Variants in MGAM2 observed in about 807,000 individuals in gnomAD.
MGAM2 encodes probable maltase-glucoamylase 2.
A neutral mutation model predicts 96.1 loss-of-function variants in MGAM2; 98 were observed. That is an observed-to-expected ratio of 1.02 (90% CI 0.87 to 1.21). The LOEUF (loss-of-function observed/expected upper bound fraction) is 1.21, where lower values mean the gene tolerates loss of function less well. Ranked by LOEUF, MGAM2 falls within the 50% of genes most tolerant of loss-of-function variation. The pLI is 0.00. For missense variants in MGAM2, 2,055 were observed against 1,182.4 expected (o/e 1.74, Z -10.82); for synonymous variants, 749 against 414.8 (o/e 1.81, Z -9.79).
At chr7:142,127,120 G>A (rs570472263) in intron 3 of MGAM2, among the ~76,000 whole-genome samples, 1 of 152,276 alleles carries the variant, frequency 6.6e-6, no homozygotes, top group African/African-American at 2.4e-5. Context: ...GATGAATGTA[G>A]TTACTTGCTT....
intron 14 of MGAM2, 120 bp from the exon 15 acceptor site, chr7:142,147,336 G>A (rs1457267903): frequency 1.2e-5 from 7 of 565,514 alleles, no homozygotes; most frequent in Non-Finnish European, 1.9e-5. Context: ...ATCTGGAATG[G>A]ATTTGGTCAG....
At chr7:142,118,676 A>AT (rs973744117) in intron 2 of MGAM2, among the ~76,000 whole-genome samples, 1 of 152,202 alleles carries the variant, frequency 6.6e-6, no homozygotes, top group Non-Finnish European at 1.5e-5. Context: ...TCTTCCTGAT[A>AT]TGTAGCCTGA....
chr7:142,171,343 A>G lies in MGAM2; in HGVS notation c.3254A>G (p.Gln1085Arg), dbSNP rs186391552. The change falls in exon 28 of 48, where the codon CAG becomes CGG. Residue 1085 changes from glutamine (Q) to arginine (R), a missense_variant. By Grantham distance (43) the Gln-to-Arg change is conservative. Transcript: ENST00000477922. Reference sequence around the variant, plus strand: ...TCCATTTCTACGCGTCTGCCGTCCCAGTACATCTATGGCTTTGGGGAAACT... The same window carrying G: ...TCCATTTCTACGCGTCTGCCGTCCCGGTACATCTATGGCTTTGGGGAAACT... ...FLSISTRLPSQYIYGFGETEH... is the reference protein window; with the variant it reads ...FLSISTRLPSRYIYGFGETEH... 118 of 703,170 alleles carry G rather than the reference A, an allele frequency of 1.7e-4. No homozygotes were observed. In the African/African-American group the frequency reaches 1.9e-3, roughly 11 times the overall value. 43.6% of individuals were successfully genotyped at this position (703,170 alleles called of 1,614,324 possible). A position where few individuals can be genotyped will look rare whatever the true frequency, so the allele number is the denominator to read the frequency against.
intron 27 of MGAM2, among the ~76,000 whole-genome samples, chr7:142,170,626 T>G (rs902435846): frequency 6.6e-6 from 1 of 152,158 alleles, no homozygotes; most frequent in Non-Finnish European, 1.5e-5. Flanking sequence ...TAGCTTCTTG[T>G]AACGTTTGCT....
At chr7:142,114,130 C>G (rs184822807) in intron 1 of MGAM2, among the ~76,000 whole-genome samples, 7,208 of 82,916 alleles carry the variant, frequency 0.087, 746 homozygotes, top group African/African-American at 0.21. Context: ...GACTCCATCT[C>G]AAAAAAAGAA....
chr7:142,214,548 C>A (rs1441683131), intron 46 of MGAM2, among the ~76,000 whole-genome samples: 1 of 152,170 alleles, frequency 6.6e-6, no homozygotes, highest in Non-Finnish European at 1.5e-5. Flanking sequence ...CTCCCACTCA[C>A]AATTGCTACA....
At chr7:142,195,300 CTG>C (rs1042681570) in intron 37 of MGAM2, among the ~76,000 whole-genome samples, 16 of 143,962 alleles carry the variant, frequency 1.1e-4, no homozygotes, top group Non-Finnish European at 7.5e-5. Flanking sequence ...TCCCAAGGTG[CTG>C]GGATTACATG....
intron 6 of MGAM2, 124 bp downstream of exon 6, chr7:142,132,209 T>C: frequency 4.0e-6 from 2 of 498,980 alleles, no homozygotes; most frequent in Non-Finnish European, 3.5e-6. Context: ...ATTAGAAAAA[T>C]GTCCAAGGGT....
intron 46 of MGAM2, among the ~76,000 whole-genome samples, chr7:142,210,478 C>G (rs866185530): frequency 6.6e-6 from 1 of 152,128 alleles, no homozygotes; most frequent in African/African-American, 2.4e-5. Context: ...CTGAAGTTGA[C>G]GTGGGAAGCT....
intron 46 of MGAM2, among the ~76,000 whole-genome samples, chr7:142,214,992 A>G (rs549467545): frequency 6.6e-6 from 1 of 152,248 alleles, no homozygotes; most frequent in Non-Finnish European, 1.5e-5. Flanking sequence ...CTATAAAGAA[A>G]CAGGCACAAG....
chr7:142,138,695 G>A (rs1167734558), intron 10 of MGAM2, 28 bp downstream of exon 10: 1 of 683,396 alleles, frequency 1.5e-6, no homozygotes. Flanking sequence ...TTACCATGCA[G>A]TTGACACCAA....
At position 142,174,970 on chromosome 7, in the gene MGAM2, C is replaced by T. The variant is rs147491676; in HGVS notation, c.3688-682C>T. On this transcript the variant is annotated intron_variant, in intron 31 of 47. Transcript: ENST00000477922. ...CTGATCTCAGGTGATCCACCTGCCT[C>T]GGCCTCCCGAAGTGCTGAGATTACA... Among the ~76,000 whole-genome samples, 458 of 152,172 alleles carry T rather than the reference C, an allele frequency of 3.0e-3. 4 individuals are homozygous for T. The highest frequency in any genetic ancestry group is 0.01 in the African/African-American group (432 of 41,520).
chr7:142,187,741 T>C lies in MGAM2; in HGVS notation c.4123-9T>C, dbSNP rs1563283834. ...CATGACGAGATCTTTTTTTGTTAACTCATTTCAGGATATGAATGAGCCATC... is the reference window on the plus strand; with the variant it reads ...CATGACGAGATCTTTTTTTGTTAACCCATTTCAGGATATGAATGAGCCATC... On this transcript the variant is annotated splice_polypyrimidine_tract_variant and intron_variant, in intron 35 of 47. Transcript: ENST00000477922. 1.4e-6 allele frequency: 1 copy of C among 702,258 alleles called. No homozygotes were observed. Among genetic ancestry groups the C allele is most frequent in the Non-Finnish European group, 2.6e-6 (1 of 384,580 alleles). The allele number at this position is 702,258 out of a possible 1,614,324, so 43.5% of individuals were successfully genotyped here. A position where few individuals can be genotyped will look rare whatever the true frequency, so the allele number is the denominator to read the frequency against.
chr7:142,119,289 A>T (rs1563245487), intron 2 of MGAM2, among the ~76,000 whole-genome samples: 1 of 152,230 alleles, frequency 6.6e-6, no homozygotes, highest in Non-Finnish European at 1.5e-5. Flanking sequence ...TCCCAAGGAA[A>T]TCTATAAATG....
chr7:142,153,642 T>C (rs1169153353), intron 15 of MGAM2, among the ~76,000 whole-genome samples: 2 of 152,106 alleles, frequency 1.3e-5, no homozygotes, highest in Non-Finnish European at 2.9e-5. Context: ...TGGCAGAAAT[T>C]CATGGAACCA....
At chr7:142,213,384 G>C (rs1797654326) in intron 46 of MGAM2, among the ~76,000 whole-genome samples, 2 of 152,140 alleles carry the variant, frequency 1.3e-5, no homozygotes, top group Admixed American at 1.3e-4. Flanking sequence ...GACTCCAGGA[G>C]CTGGTTTTTT....
rs181719207 is a variant in MGAM2 at position 142,211,853 on chromosome 7, A to G, written c.5187+3231A>G. Among the ~76,000 whole-genome samples, 299 of 152,326 alleles carry G rather than the reference A, an allele frequency of 2.0e-3. 3 individuals are homozygous for G. Among genetic ancestry groups the G allele is most frequent in the Non-Finnish European group, 5.7e-4 (39 of 68,034 alleles). On this transcript the variant is annotated intron_variant, in intron 46 of 47. Coordinates refer to ENST00000477922, the MANE Select transcript of MGAM2 (RefSeq NM_001293626.2). Reference sequence around the variant, plus strand: ...GAAATACAGAGAACACCACAAAAATATTCCTCAAGAAGAGCAACCCCACGA... The same window carrying G: ...GAAATACAGAGAACACCACAAAAATGTTCCTCAAGAAGAGCAACCCCACGA...
intron 32 of MGAM2, among the ~76,000 whole-genome samples, chr7:142,178,832 C>A (rs549373416): frequency 3.3e-5 from 5 of 152,196 alleles, no homozygotes; most frequent in African/African-American, 1.2e-4. Flanking sequence ...ATAGATATAG[C>A]ATTGAATCTA....
chr7:142,121,326 T>G (rs971645388), intron 3 of MGAM2, among the ~76,000 whole-genome samples: 4 of 149,510 alleles, frequency 2.7e-5, no homozygotes, highest in Admixed American at 2.0e-4. Flanking sequence ...TACAGGCACC[T>G]GCCACCATGC....
Sources: allele counts gnomAD v4.1 joint callset (sites outside exome capture counted in the v4.1 genomes callset), GRCh38; gene constraint gnomAD v4.1.1; transcripts MANE v1.5; gene names NCBI Gene and HGNC (gene_info 2026-07-23, HGNC 2026-07-21).